Variants in AUTS2 observed in about 807,000 individuals in gnomAD.
The protein encoded by AUTS2 is autism susceptibility gene 2 protein.
In AUTS2, 17 loss-of-function variants were observed where a neutral mutation model predicts 112.4. The observed-to-expected ratio is 0.15, with a 90% CI of 0.10 to 0.23. AUTS2 has a LOEUF of 0.23. Among genes scored for constraint, AUTS2 ranks in the 10% least tolerant of loss-of-function variants. AUTS2 has a pLI of 1.00. For synonymous variants in AUTS2, 751 were observed against 702.7 expected (o/e 1.07, Z -1.09); for missense variants, 1,510 against 1,701.6 (o/e 0.89, Z 1.98).
chr7:69,657,972 C>A (rs911770493), intron 1 of AUTS2, among the ~76,000 whole-genome samples: 21 of 152,346 alleles, frequency 1.4e-4, no homozygotes, highest in African/African-American at 5.0e-4. Flanking sequence ...CCAAACCAGG[C>A]CACTACCTGT....
At chr7:70,707,197 G>C (rs1809784624) in intron 6 of AUTS2, among the ~76,000 whole-genome samples, 1 of 152,164 alleles carries the variant, frequency 6.6e-6, no homozygotes, top group Admixed American at 6.5e-5. Context: ...TCTTAATTTA[G>C]AAAAGAATTT....
At chr7:70,244,775 CT>C (rs1463652276) in intron 4 of AUTS2, among the ~76,000 whole-genome samples, 5 of 152,074 alleles carry the variant, frequency 3.3e-5, no homozygotes, top group African/African-American at 1.2e-4. Flanking sequence ...GTGCTTGATC[CT>C]TTTCTTTGTC....
In AUTS2 at chr7:70,171,968, A is replaced by G. The variant is rs74571645; in HGVS notation, c.660+37397A>G. Among the ~76,000 whole-genome samples, 455 of 151,406 alleles carry G rather than the reference A, an allele frequency of 3.0e-3. 3 individuals are homozygous for G. Among genetic ancestry groups the G allele is most frequent in the African/African-American group, 0.01 (432 of 41,204 alleles). On this transcript the variant is annotated intron_variant, in intron 4 of 18. Coordinates refer to ENST00000342771, the MANE Select transcript of AUTS2 (RefSeq NM_015570.4). ...AGAGCTTTTTAAGACGAAGGACTACATTTCTTTCTGCATTTCTGGGGTCAG... is the reference window on the plus strand; with the variant it reads ...AGAGCTTTTTAAGACGAAGGACTACGTTTCTTTCTGCATTTCTGGGGTCAG...
intron 5 of AUTS2, among the ~76,000 whole-genome samples, chr7:70,643,265 G>A (rs560960589): frequency 2.6e-5 from 4 of 152,256 alleles, no homozygotes; most frequent in East Asian, 1.9e-4. Flanking sequence ...TTGTGGACAC[G>A]GAACATTAAA....
At chr7:70,203,824 A>G (rs1810429373) in intron 4 of AUTS2, among the ~76,000 whole-genome samples, 1 of 151,570 alleles carries the variant, frequency 6.6e-6, no homozygotes, top group Non-Finnish European at 1.5e-5. Flanking sequence ...GCTAAAAACT[A>G]GATTGTGAAT....
chr7:70,690,011 T>G (rs1490704315), intron 5 of AUTS2, among the ~76,000 whole-genome samples: 1 of 152,182 alleles, frequency 6.6e-6, no homozygotes, highest in Non-Finnish European at 1.5e-5. Context: ...TCATCTGTAA[T>G]CATAATAGAC....
intron 1 of AUTS2, among the ~76,000 whole-genome samples, chr7:69,809,877 G>A (rs1258232894): frequency 1.3e-5 from 2 of 152,234 alleles, no homozygotes; most frequent in South Asian, 2.1e-4. Context: ...AGAATAACAC[G>A]AAACCTCCTG....
At chr7:69,897,946 T>C (rs1794821430) in intron 1 of AUTS2, among the ~76,000 whole-genome samples, 1 of 152,158 alleles carries the variant, frequency 6.6e-6, no homozygotes. Flanking sequence ...GAGAGCGGTA[T>C]TTTAAGGAGA....
rs571453405 is a variant in AUTS2 at position 69,614,775 on chromosome 7, CGCCCATCTGA to C, written c.309+14815_309+14824del. Among the ~76,000 whole-genome samples the C allele has an allele frequency of 4.0e-3, 604 of 152,254 alleles. 4 individuals carry two copies. Among genetic ancestry groups the C allele is most frequent in the African/African-American group, 0.014 (572 of 41,530 alleles). On this transcript the variant is annotated intron_variant, in intron 1 of 18. Transcript: ENST00000342771. Reference sequence around the variant, plus strand: ...CTGGGATTACAGGTGTGAGCCACTGCGCCCATCTGAGTGTCCGTATGAAGAGAGGTGGCAG... The same window carrying C: ...CTGGGATTACAGGTGTGAGCCACTGCGTGTCCGTATGAAGAGAGGTGGCAG...
chr7:70,685,000 G>T (rs1439897027), intron 5 of AUTS2, among the ~76,000 whole-genome samples: 1 of 152,124 alleles, frequency 6.6e-6, no homozygotes, highest in Non-Finnish European at 1.5e-5. Context: ...TATGGCTCAT[G>T]CTCTTTTTTC....
At chr7:69,769,702 CT>C (rs1314858386) in intron 1 of AUTS2, among the ~76,000 whole-genome samples, 2 of 152,120 alleles carry the variant, frequency 1.3e-5, no homozygotes. Context: ...TATTGCCAGT[CT>C]TTTGATGTTC....
At chr7:70,767,738 GT>G (rs749020803) in intron 9 of AUTS2, among the ~76,000 whole-genome samples, 17 of 152,346 alleles carry the variant, frequency 1.1e-4, no homozygotes, top group Non-Finnish European at 2.4e-4. Context: ...GTTCTCTCCT[GT>G]TTAGAGGTTT....
intron 1 of AUTS2, among the ~76,000 whole-genome samples, chr7:69,851,952 T>G (rs547905968): frequency 3.9e-4 from 59 of 152,320 alleles, no homozygotes; most frequent in Non-Finnish European, 7.6e-4. Flanking sequence ...TATTATTTAC[T>G]TTCTGATATA....
intron 2 of AUTS2, among the ~76,000 whole-genome samples, chr7:70,020,981 T>TCTTTC (rs1358027689): frequency 2.0e-5 from 3 of 149,326 alleles, no homozygotes; most frequent in African/African-American, 7.4e-5. Context: ...TAGAAACTTT[T>TCTTTC]CTTTTCTTTT....
At position 70,250,964 on chromosome 7, in the gene AUTS2, G is replaced by A. The variant is rs746816928; in HGVS notation, c.660+116393G>A. On this transcript the variant is annotated intron_variant, in intron 4 of 18. Transcript: ENST00000342771. Reference sequence around the variant, plus strand: ...TCTGTACACCAAACCTCTGTGGCACGCAGCTTACCCATATAACAAACCTGC... The same window carrying A: ...TCTGTACACCAAACCTCTGTGGCACACAGCTTACCCATATAACAAACCTGC... 1.2e-4 allele frequency among the ~76,000 whole-genome samples: 18 copies of A among 152,150 alleles called. No homozygotes were observed. The South Asian group carries it at 2.3e-3, about 19-fold the overall frequency.
chr7:69,618,844 G>T lies in AUTS2; in HGVS notation c.309+18882G>T, dbSNP rs553519575. On this transcript the variant is annotated intron_variant, in intron 1 of 18. Transcript: ENST00000342771. Reference sequence around the variant, plus strand: ...TAGTGAGCAGGAACCACAGTCAACCGTAAGTTTTAGAGTCCAGGAGGCTCA... The same window carrying T: ...TAGTGAGCAGGAACCACAGTCAACCTTAAGTTTTAGAGTCCAGGAGGCTCA... Among the ~76,000 whole-genome samples, 106 of 152,104 alleles carry T rather than the reference G, an allele frequency of 7.0e-4. 1 individual carries two copies. The highest frequency in any genetic ancestry group is 9.7e-4 in the Non-Finnish European group (66 of 68,018).
intron 1 of AUTS2, among the ~76,000 whole-genome samples, chr7:69,892,440 G>A (rs1032072858): frequency 1.3e-5 from 2 of 151,924 alleles, no homozygotes; most frequent in Non-Finnish European, 2.9e-5. Flanking sequence ...CATCACACCT[G>A]GCCCAAGAAT....
intron 1 of AUTS2, among the ~76,000 whole-genome samples, chr7:69,642,030 C>T (rs1466820321): frequency 6.6e-6 from 1 of 152,194 alleles, no homozygotes; most frequent in Non-Finnish European, 1.5e-5. Flanking sequence ...TGACCTTGGG[C>T]AAGTCACTTA....
At chr7:70,573,037 G>C (rs1239483725) in intron 5 of AUTS2, among the ~76,000 whole-genome samples, 1 of 152,276 alleles carries the variant, frequency 6.6e-6, no homozygotes, top group Admixed American at 6.5e-5. Context: ...GATGGACTTC[G>C]ACTCTTCGGA....
Sources: gnomAD v4.1 joint callset for allele counts (sites outside exome capture counted in the v4.1 genomes callset) on GRCh38, gnomAD v4.1.1 for gene constraint, MANE v1.5 for transcripts, NCBI Gene and HGNC (gene_info 2026-07-23, HGNC 2026-07-21) for gene names.